SLC9C1: variants seen among roughly 807,000 people sequenced by gnomAD.
The protein encoded by SLC9C1 is sodium/hydrogen exchanger 10.
A neutral mutation model predicts 140.9 loss-of-function variants in SLC9C1; 97 were observed. That is an observed-to-expected ratio of 0.69 (90% confidence interval 0.58 to 0.82). The LOEUF is 0.82. SLC9C1 is among the 40% of genes least tolerant of loss of function. SLC9C1 has a pLI of 0.00. For synonymous variants in SLC9C1, 440 were observed against 442.6 expected (o/e 0.99, Z 0.07); for missense variants, 1,340 against 1,389.3 (o/e 0.96, Z 0.56).
Position 112,157,328 on chromosome 3 carries a change from T to C in SLC9C1, c.3365-2279A>G, listed in dbSNP as rs182000400. Among the ~76,000 whole-genome samples, 33 of 152,240 alleles carry C rather than the reference T, an allele frequency of 2.2e-4. 1 individual carries two copies. Among genetic ancestry groups the C allele is most frequent in the Admixed American group, 2.1e-3 (32 of 15,278 alleles). On this transcript the variant is annotated intron_variant, in intron 26 of 28. Coordinates refer to ENST00000305815, the MANE Select transcript of SLC9C1 (RefSeq NM_183061.3). The stretch of plus-strand genomic sequence containing the variant: ...GCTTTTGTTGAAAACGAGTTGGCTA[T>C]CAGTGCATGGATTTATTTCTGGGTT...
chr3:112,224,848 A>G (rs888015041), intron 13 of SLC9C1, among the ~76,000 whole-genome samples: 2 of 151,774 alleles, frequency 1.3e-5, no homozygotes, highest in African/African-American at 4.8e-5. Context: ...ATAGATAGAA[A>G]GAGCGAGCCA....
At chr3:112,150,871 T>C (rs1460111073) in intron 28 of SLC9C1, among the ~76,000 whole-genome samples, 5 of 145,150 alleles carry the variant, frequency 3.4e-5, no homozygotes, top group African/African-American at 1.3e-4. Flanking sequence ...GAAGTCTCAC[T>C]CTGTTGCCCA....
intron 6 of SLC9C1, among the ~76,000 whole-genome samples, chr3:112,272,949 A>G (rs1445543790): frequency 6.6e-6 from 1 of 152,060 alleles, no homozygotes; most frequent in East Asian, 1.9e-4. Flanking sequence ...CCTTCTCCCA[A>G]CGAGTACCAA....
At position 112,200,721 on chromosome 3, in the gene SLC9C1, T is replaced by C. The variant is rs2077885452; in HGVS notation, c.2364A>G (p.Ile788Met). The C allele has an allele frequency of 6.2e-7, 1 of 1,610,070 alleles. No individual in the cohort carries two copies. ...ATGAGAGCTACTTACCTAGCTCTTTTATAGCATGTTCCATATTCCTTATCA... is the reference window on the plus strand; with the variant it reads ...ATGAGAGCTACTTACCTAGCTCTTTCATAGCATGTTCCATATTCCTTATCA... ...KQVIRNMEHA[I>M]KELGYLEYDH... The change falls in exon 19 of 29, where the codon ATA (isoleucine) becomes ATG (methionine). Residue 788 changes from isoleucine to methionine, a missense_variant. Transcript: ENST00000305815.
chr3:112,209,297 A>C (rs6781215), intron 15 of SLC9C1, among the ~76,000 whole-genome samples: 114,832 of 152,060 alleles, frequency 0.76, 43,767 homozygotes, highest in East Asian at 0.99. Flanking sequence ...TCTGGCAGTT[A>C]CTCTGTGATG....
At chr3:112,218,929 C>G (rs2078462845) in intron 14 of SLC9C1, among the ~76,000 whole-genome samples, 1 of 152,198 alleles carries the variant, frequency 6.6e-6, no homozygotes, top group Non-Finnish European at 1.5e-5. Flanking sequence ...AGTGAGGCAG[C>G]TTGGCTTTGA....
At chr3:112,203,128 T>TA (rs1407477832) in intron 17 of SLC9C1, among the ~76,000 whole-genome samples, 1 of 152,166 alleles carries the variant, frequency 6.6e-6, no homozygotes, top group East Asian at 1.9e-4. Flanking sequence ...TTTCAATATC[T>TA]AGATTACTCG....
intron 26 of SLC9C1, among the ~76,000 whole-genome samples, chr3:112,158,566 AT>A (rs2075193928): frequency 6.6e-6 from 1 of 151,874 alleles, no homozygotes; most frequent in Admixed American, 6.6e-5. Flanking sequence ...TTTCTCTTCA[AT>A]TTTTTGAAAT....
At chr3:112,150,755 T>C (rs1203594638) in intron 28 of SLC9C1, among the ~76,000 whole-genome samples, 2 of 144,920 alleles carry the variant, frequency 1.4e-5, no homozygotes, top group African/African-American at 2.5e-5. Context: ...ATATAAAATA[T>C]ATATATAAAA....
At chr3:112,220,097 C>G (rs2078499804) in intron 14 of SLC9C1, among the ~76,000 whole-genome samples, 3 of 152,060 alleles carry the variant, frequency 2.0e-5, no homozygotes, top group African/African-American at 2.4e-5. Context: ...AACAGAGACC[C>G]TGGTACCATA....
chr3:112,155,581 G>A (rs1322664534), intron 26 of SLC9C1, among the ~76,000 whole-genome samples: 1 of 152,102 alleles, frequency 6.6e-6, no homozygotes, highest in Admixed American at 6.6e-5. Flanking sequence ...GAGATTTCAA[G>A]GATAAGGAGT....
chr3:112,143,473 C>T (rs1482239053), intron 28 of SLC9C1, among the ~76,000 whole-genome samples: 1 of 152,154 alleles, frequency 6.6e-6, no homozygotes. Flanking sequence ...TTTTGATTTG[C>T]ATTTCTCTAA....
chr3:112,189,180 G>A (rs2077599358), intron 20 of SLC9C1, among the ~76,000 whole-genome samples: 1 of 151,038 alleles, frequency 6.6e-6, no homozygotes, highest in South Asian at 2.1e-4. Context: ...TCTGTAAGTT[G>A]CCTGTTCACT....
intron 26 of SLC9C1, among the ~76,000 whole-genome samples, chr3:112,157,151 G>T (rs1172481877): frequency 2.0e-5 from 3 of 151,864 alleles, no homozygotes; most frequent in Non-Finnish European, 2.9e-5. Flanking sequence ...ACAGTTTTAG[G>T]TCTTAAATTT....
chr3:112,236,037 A>T (rs2078976069), intron 12 of SLC9C1, among the ~76,000 whole-genome samples: 1 of 152,186 alleles, frequency 6.6e-6, no homozygotes, highest in African/African-American at 2.4e-5. Context: ...TAGTTTCAGA[A>T]GGAATGGTAC....
rs1043019523 is a variant in SLC9C1 at position 112,220,991 on chromosome 3, G to A, written c.1670+137C>T. The A allele has an allele frequency of 1.2e-5, 7 of 606,844 alleles. No homozygotes were observed. In the Admixed American group the frequency reaches 1.9e-4, roughly 16 times the overall value. 37.6% of individuals were successfully genotyped at this position (606,844 alleles called of 1,614,324 possible). On this transcript the variant is annotated intron_variant, in intron 14 of 28. Coordinates refer to ENST00000305815, the MANE Select transcript of SLC9C1 (RefSeq NM_183061.3). Reference sequence around the variant, plus strand: ...CTGAGGGTGGGGTATAGAGCAGACAGCTCTGCTGTAATACTATAGTATTAA... The same window carrying A: ...CTGAGGGTGGGGTATAGAGCAGACAACTCTGCTGTAATACTATAGTATTAA...
chr3:112,263,657 T>C (rs1269931137), intron 9 of SLC9C1, among the ~76,000 whole-genome samples: 4 of 151,904 alleles, frequency 2.6e-5, no homozygotes, highest in Admixed American at 6.6e-5. Flanking sequence ...ATGTTAATCA[T>C]TTGAGTAATG....
At chr3:112,151,519 C>T (rs1204127088) in intron 28 of SLC9C1, 2 of 522,268 alleles carry the variant, frequency 3.8e-6, no homozygotes. Context: ...GAAGTGAAGT[C>T]ATAACTTATC....
intron 13 of SLC9C1, 132 bp downstream of exon 13, chr3:112,231,229 G>A: frequency 1.0e-6 from 1 of 972,710 alleles, no homozygotes; most frequent in East Asian, 2.8e-5. Context: ...AGATTCCTAA[G>A]ACAATGTCAA....
Sources: allele counts gnomAD v4.1 joint callset (sites outside exome capture counted in the v4.1 genomes callset), GRCh38; gene constraint gnomAD v4.1.1; transcripts MANE v1.5; gene names NCBI Gene and HGNC (gene_info 2026-07-23, HGNC 2026-07-21).